LVRN: variants seen among roughly 807,000 people sequenced by gnomAD.
LVRN encodes the protein aminopeptidase Q.
LVRN carries 99 observed loss-of-function variants against 111.4 expected under a neutral mutation model. That is an observed-to-expected ratio of 0.89 (90% CI 0.76 to 1.05). The LOEUF is 1.05. Ranked by LOEUF, LVRN falls within the 50% of genes least tolerant of loss-of-function variation. The pLI is 0.00. For synonymous variants in LVRN, 488 were observed against 449.5 expected (o/e 1.09, Z -1.08); for missense variants, 1,414 against 1,206.8 (o/e 1.17, Z -2.54).
intron 6 of LVRN, among the ~76,000 whole-genome samples, chr5:115,998,509 T>A (rs1168103465): frequency 2.0e-5 from 3 of 152,168 alleles, no homozygotes; most frequent in East Asian, 1.9e-4. Flanking sequence ...TAGGGTGCGA[T>A]ATTATGGGTG....
rs1580393086 is a variant in LVRN at position 116,003,804 on chromosome 5, A to G, written c.2037+424A>G. Among the ~76,000 whole-genome samples, 4 of 152,030 alleles carry G rather than the reference A, an allele frequency of 2.6e-5. No individual in the cohort carries two copies. The South Asian group carries it at 8.3e-4, about 32-fold the overall frequency. On this transcript the variant is annotated intron_variant, in intron 12 of 19. Coordinates refer to ENST00000357872, the MANE Select transcript of LVRN (RefSeq NM_173800.5). ...CACCGTGTTAGCCAGGATGATCTCA[A>G]TCTCCTGACCTGGTGATCCACCTGC...
intron 1 of LVRN, among the ~76,000 whole-genome samples, chr5:115,971,650 A>G (rs539760077): frequency 9.2e-5 from 14 of 152,058 alleles, no homozygotes; most frequent in South Asian, 8.3e-4. Context: ...ATATTTTTTG[A>G]TTGTCTAGTC....
In LVRN at chr5:116,001,129, G is replaced by T; in HGVS notation, c.1710G>T (p.Trp570Cys). 6.2e-7 allele frequency: 1 copy of T among 1,613,840 alleles called. No homozygotes were observed. Among genetic ancestry groups the T allele is most frequent in the Non-Finnish European group, 8.5e-7 (1 of 1,179,936 alleles). The change falls in exon 10 of 20, where the codon TGG becomes TGT. Residue 570 changes from tryptophan (W) to cysteine (C), a missense_variant. Coordinates refer to ENST00000357872, the MANE Select transcript of LVRN (RefSeq NM_173800.5). ...CAATAAAAAACATAATGGACAGTTG[G>T]ACACACCAGAGTGGTTTTCCAGTGA... ...PATIKNIMDS[W>C]THQSGFPVIT...
chr5:115,983,525 G>A lies in LVRN; in HGVS notation c.838+96G>A, dbSNP rs1253655666. ...GCTTTTCTAGGCAGTGTATTATGGT[G>A]TATTATAATTACAGTCTACTATAAT... On this transcript the variant is annotated intron_variant, in intron 2 of 19. Coordinates refer to ENST00000357872, the MANE Select transcript of LVRN (RefSeq NM_173800.5). 4.6e-5 allele frequency: 61 copies of A among 1,333,710 alleles called. No homozygotes were observed. The East Asian group carries it at 7.7e-4, about 17-fold the overall frequency. The allele number at this position is 1,333,710 out of a possible 1,614,324, so 82.6% of individuals were successfully genotyped here. A position where few individuals can be genotyped will look rare whatever the true frequency, so the allele number is the denominator to read the frequency against.
At chr5:115,999,977 A>AT in intron 7 of LVRN, 75 bp downstream of exon 7, 2 of 1,443,398 alleles carry the variant, frequency 1.4e-6, no homozygotes, top group Non-Finnish European at 1.9e-6. Context: ...TAAGGGTCCT[A>AT]TATCATCATA....
intron 1 of LVRN, among the ~76,000 whole-genome samples, chr5:115,982,057 C>T (rs1030739757): frequency 6.6e-6 from 1 of 152,050 alleles, no homozygotes. Flanking sequence ...GTAGCTGGTG[C>T]CAGAGCCCAC....
At position 116,015,661 on chromosome 5, in the gene LVRN, C is replaced by T. The variant is rs2112634845; in HGVS notation, c.2652C>T (p.Phe884=). The T allele has an allele frequency of 1.9e-6, 3 of 1,612,882 alleles. No homozygotes were observed. Among genetic ancestry groups the T allele is most frequent in the South Asian group, 1.1e-5 (1 of 90,782 alleles). Residue 884 remains phenylalanine, a synonymous_variant, in exon 18 of 20, where the codon TTC becomes TTT. Transcript: ENST00000357872. ...AGTATGCCATCAGCACATCTCCATT[C>T]ACTTCTAATGAAACAAATATAATTG... ...YMEYAISTSP[F]TSNETNIIEV...
At chr5:116,005,528 A>T (rs1580394052) in intron 12 of LVRN, among the ~76,000 whole-genome samples, 1 of 152,248 alleles carries the variant, frequency 6.6e-6, no homozygotes, top group East Asian at 1.9e-4. Flanking sequence ...ATATTTATTT[A>T]AGGGCTTCTA....
intron 5 of LVRN, among the ~76,000 whole-genome samples, chr5:115,993,476 C>T (rs1447645930): frequency 6.6e-6 from 1 of 152,052 alleles, no homozygotes; most frequent in Non-Finnish European, 1.5e-5. Flanking sequence ...TCTAGCTGAC[C>T]TTATGTTTAA....
At chr5:115,982,843 G>A (rs1373407985) in intron 1 of LVRN, among the ~76,000 whole-genome samples, 1 of 151,598 alleles carries the variant, frequency 6.6e-6, no homozygotes, top group African/African-American at 2.4e-5. Context: ...TAGCTAGGAA[G>A]AAGAGGAGGC....
At chr5:116,011,656 C>T (rs749189265) in intron 14 of LVRN, among the ~76,000 whole-genome samples, 2 of 151,894 alleles carry the variant, frequency 1.3e-5, no homozygotes, top group African/African-American at 4.8e-5. Context: ...TCCTAGTGGC[C>T]GAAGTACCAA....
intron 1 of LVRN, among the ~76,000 whole-genome samples, chr5:115,974,013 G>T (rs1226572501): frequency 6.6e-6 from 1 of 152,022 alleles, no homozygotes; most frequent in Non-Finnish European, 1.5e-5. Context: ...ACCCAGCTTT[G>T]GGAACACCTT....
intron 1 of LVRN, chr5:115,974,672 A>G (rs906541990): frequency 6.2e-6 from 1 of 160,948 alleles, no homozygotes; most frequent in Non-Finnish European, 1.4e-5. Flanking sequence ...AATCATTTCT[A>G]GTCACACGTG....
In LVRN at chr5:115,962,751, C is replaced by A. The variant is rs760564598; in HGVS notation, c.134C>A (p.Pro45Gln). The change falls in exon 1 of 20, where the codon CCG becomes CAG. Residue 45 changes from proline to glutamine, a missense_variant. Transcript: ENST00000357872. ...ALYGHCERVP[P>Q]SELPGLRDLE... ...TACGGCCACTGCGAGCGCGTCCCACCGTCGGAGCTGCCTGGACTCAGGGAC... is the reference window on the plus strand; with the variant it reads ...TACGGCCACTGCGAGCGCGTCCCACAGTCGGAGCTGCCTGGACTCAGGGAC... The A allele has an allele frequency of 3.5e-5, 56 of 1,611,808 alleles. No homozygotes were observed. Among genetic ancestry groups the A allele is most frequent in the Non-Finnish European group, 4.6e-5 (54 of 1,179,390 alleles).
chr5:116,019,418 A>G (rs1422552710), intron 18 of LVRN, among the ~76,000 whole-genome samples: 1 of 152,184 alleles, frequency 6.6e-6, no homozygotes, highest in Non-Finnish European at 1.5e-5. Flanking sequence ...GCACATCATT[A>G]TCACCCAAAG....
Position 115,984,698 on chromosome 5 carries a change from A to C in LVRN, c.967A>C (p.Arg323=), listed in dbSNP as rs756825113. 2 of 1,613,516 alleles carry C rather than the reference A, an allele frequency of 1.2e-6. No individual in the cohort carries two copies. Among genetic ancestry groups the C allele is most frequent in the Non-Finnish European group, 1.7e-6 (2 of 1,179,678 alleles). The stretch of plus-strand genomic sequence containing the variant: ...CTATGACCACGTCAACAGAACAGAA[A>C]GGGGCAAGGAGGTGAGTGAGGAAGA... ...CDYDHVNRTE[R]GKEIRIWARK... is the part of the protein sequence containing the mutation. Residue 323 remains arginine (R), a synonymous_variant, in exon 3 of 20, where the codon AGG becomes CGG. Transcript: ENST00000357872.
chr5:115,995,814 C>T (rs559693870), intron 6 of LVRN, among the ~76,000 whole-genome samples: 276 of 152,314 alleles, frequency 1.8e-3, no homozygotes, highest in African/African-American at 6.4e-3. Context: ...GTAAGTTGCT[C>T]AAGCTCTCAT....
At chr5:115,969,858 A>G (rs1453520564) in intron 1 of LVRN, among the ~76,000 whole-genome samples, 2 of 151,212 alleles carry the variant, frequency 1.3e-5, no homozygotes, top group African/African-American at 4.8e-5. Flanking sequence ...ACATTCTTAT[A>G]TCTTTCATAC....
chr5:115,973,996 A>T (rs902145934), intron 1 of LVRN, among the ~76,000 whole-genome samples: 3 of 152,218 alleles, frequency 2.0e-5, no homozygotes, highest in Non-Finnish European at 4.4e-5. Context: ...ATAAGCCCCC[A>T]TTCATAACCC....
Sources: allele counts gnomAD v4.1 joint callset (sites outside exome capture counted in the v4.1 genomes callset), GRCh38; gene constraint gnomAD v4.1.1; transcripts MANE v1.5; gene names NCBI Gene and HGNC (gene_info 2026-07-23, HGNC 2026-07-21).